SLC67A2: variants seen among roughly 807,000 people sequenced by gnomAD.
SLC67A2 encodes solute carrier family 67 member A2.
the SLC67A2 span, among the ~76,000 whole-genome samples, chr2:102,735,577 C>T: frequency 6.6e-6 from 1 of 152,184 alleles, no homozygotes; most frequent in South Asian, 2.1e-4. Context: ...TGGATTAGCT[C>T]ACACTCAGGG....
At chr2:102,722,613 A>G in the SLC67A2 span, among the ~76,000 whole-genome samples, 5 of 152,242 alleles carry the variant, frequency 3.3e-5, no homozygotes, top group South Asian at 1.0e-3. Flanking sequence ...TACAAAAATC[A>G]ACTTAAATAG....
the SLC67A2 span, among the ~76,000 whole-genome samples, chr2:102,723,209 G>C: frequency 6.6e-6 from 1 of 152,244 alleles, no homozygotes; most frequent in Non-Finnish European, 1.5e-5. Flanking sequence ...AGTGGCTCGC[G>C]CCTGTAATCC....
the SLC67A2 span, among the ~76,000 whole-genome samples, chr2:102,730,669 A>C: frequency 6.6e-6 from 1 of 151,454 alleles, no homozygotes; most frequent in Non-Finnish European, 1.5e-5. Flanking sequence ...CAGCCTCCCG[A>C]GTAGCTGGGA....
the SLC67A2 span, chr2:102,718,681 A>C: frequency 1.5e-5 from 25 of 1,614,010 alleles, no homozygotes; most frequent in Non-Finnish European, 2.0e-5. Flanking sequence ...TGCCAATGGC[A>C]GTGGAGAAGG....
At chr2:102,719,407 T>C in the SLC67A2 span, among the ~76,000 whole-genome samples, 1 of 152,016 alleles carries the variant, frequency 6.6e-6, no homozygotes, top group South Asian at 2.1e-4. Context: ...AAAAGACTCT[T>C]TGCCTTTAAA....
At chr2:102,722,068 G>A in the SLC67A2 span, among the ~76,000 whole-genome samples, 4 of 152,198 alleles carry the variant, frequency 2.6e-5, no homozygotes, top group African/African-American at 9.7e-5. Flanking sequence ...CTTCCCTCAT[G>A]GAGTCTGCCT....
At chr2:102,719,087 G>C in the SLC67A2 span, 37 of 1,614,122 alleles carry the variant, frequency 2.3e-5, no homozygotes, top group Middle Eastern at 3.3e-4. Context: ...TCTGCGGCTG[G>C]TGGCTGCCTC....
the SLC67A2 span, among the ~76,000 whole-genome samples, chr2:102,720,526 G>A: frequency 1.3e-5 from 2 of 152,236 alleles, no homozygotes; most frequent in Non-Finnish European, 1.5e-5. Context: ...AGTGTGAAAC[G>A]CTAAGAAAAT....
At chr2:102,719,757 G>A in the SLC67A2 span, among the ~76,000 whole-genome samples, 1 of 152,178 alleles carries the variant, frequency 6.6e-6, no homozygotes, top group African/African-American at 2.4e-5. Context: ...TGCAATATAA[G>A]GGCCATGCTG....
the SLC67A2 span, among the ~76,000 whole-genome samples, chr2:102,723,450 C>T: frequency 1.6e-4 from 24 of 151,400 alleles, no homozygotes; most frequent in Non-Finnish European, 2.9e-4. Flanking sequence ...GCCTGGCCAA[C>T]AAGAGCAAAA....
the SLC67A2 span, among the ~76,000 whole-genome samples, chr2:102,730,115 G>C: frequency 6.6e-6 from 1 of 152,208 alleles, no homozygotes; most frequent in East Asian, 1.9e-4. Flanking sequence ...AGACATTACA[G>C]GGAGAGAGAA....
chr2:102,733,493 G>A, the SLC67A2 span, among the ~76,000 whole-genome samples: 1 of 152,112 alleles, frequency 6.6e-6, no homozygotes, highest in African/African-American at 2.4e-5. Context: ...ATCTTTAGAT[G>A]ACCCTGTTAT....
the SLC67A2 span, among the ~76,000 whole-genome samples, chr2:102,734,765 A>C: frequency 6.6e-6 from 1 of 152,234 alleles, no homozygotes; most frequent in Non-Finnish European, 1.5e-5. Context: ...AAAGTTATTA[A>C]AATTCTGTAT....
the SLC67A2 span, chr2:102,719,125 C>T: frequency 6.2e-7 from 1 of 1,614,226 alleles, no homozygotes; most frequent in South Asian, 1.1e-5. Flanking sequence ...TCCTTCCCAA[C>T]AGCACATGGG....
chr2:102,731,395 A>G, the SLC67A2 span, among the ~76,000 whole-genome samples: 5 of 152,200 alleles, frequency 3.3e-5, no homozygotes, highest in African/African-American at 9.7e-5. Flanking sequence ...CTTATGAAAC[A>G]GCATAGAGAG....
chr2:102,728,204 G>T, the SLC67A2 span, among the ~76,000 whole-genome samples: 1 of 152,210 alleles, frequency 6.6e-6, no homozygotes, highest in African/African-American at 2.4e-5. Flanking sequence ...GTGTAAAAGG[G>T]TTAAGAAACA....
At chr2:102,718,410 C>T in the SLC67A2 span, 19 of 1,612,936 alleles carry the variant, frequency 1.2e-5, no homozygotes, top group African/African-American at 2.4e-4. Context: ...TTTATGTTGT[C>T]CAAATCCATC....
At chr2:102,724,557 C>G in the SLC67A2 span, among the ~76,000 whole-genome samples, 1 of 152,200 alleles carries the variant, frequency 6.6e-6, no homozygotes, top group Non-Finnish European at 1.5e-5. Context: ...ATGGATTTGA[C>G]TCCTATGTCC....
chr2:102,715,614 T>G, the SLC67A2 span, among the ~76,000 whole-genome samples: 1 of 152,078 alleles, frequency 6.6e-6, no homozygotes, highest in African/African-American at 2.4e-5. Flanking sequence ...GGAGACCTGT[T>G]CCCAAGCAGT....
Sources: allele counts gnomAD v4.1 joint callset (sites outside exome capture counted in the v4.1 genomes callset), GRCh38; gene constraint gnomAD v4.1.1; transcripts MANE v1.5; gene names NCBI Gene and HGNC (gene_info 2026-07-23, HGNC 2026-07-21).